Variants in ATP8B1 observed in about 807,000 individuals in gnomAD.
The protein encoded by ATP8B1 is phospholipid-transporting ATPase IC.
A neutral mutation model predicts 149.9 loss-of-function variants in ATP8B1; 80 were observed. The observed-to-expected ratio is 0.53, with a 90% confidence interval of 0.45 to 0.64. The LOEUF is 0.64. Ranked by LOEUF, ATP8B1 falls within the 30% of genes least tolerant of loss-of-function variation. ATP8B1 has a pLI of 0.00. For missense variants in ATP8B1, 1,247 were observed against 1,552.6 expected (o/e 0.80, Z 3.31); for synonymous variants, 536 against 562.8 (o/e 0.95, Z 0.67).
intron 1 of ATP8B1, among the ~76,000 whole-genome samples, chr18:57,780,900 C>G (rs1382210881): frequency 6.6e-6 from 1 of 152,172 alleles, no homozygotes; most frequent in Non-Finnish European, 1.5e-5. Flanking sequence ...GCCTCGATAG[C>G]CACTTCTCTG....
intron 22 of ATP8B1, among the ~76,000 whole-genome samples, chr18:57,660,928 T>C (rs1192829139): frequency 1.3e-5 from 2 of 152,158 alleles, no homozygotes; most frequent in African/African-American, 4.8e-5. Context: ...TTTCCCCCCA[T>C]AGACCTTATT....
In ATP8B1 at chr18:57,681,761, A is replaced by G. The variant is rs550414279; in HGVS notation, c.1630+2275T>C. Among the ~76,000 whole-genome samples the G allele has an allele frequency of 2.6e-4, 39 of 152,142 alleles. No homozygotes were observed. In the East Asian group the frequency reaches 7.0e-3, roughly 27 times the overall value. ...GGTTGCAGTGAGCCGAGATCATGCCATTGCACTCCAGCCTGGGTGACAAGA... is the reference window on the plus strand; with the variant it reads ...GGTTGCAGTGAGCCGAGATCATGCCGTTGCACTCCAGCCTGGGTGACAAGA... On this transcript the variant is annotated intron_variant, in intron 15 of 27. Transcript: ENST00000648908.
chr18:57,719,265 G>A (rs922645941), intron 2 of ATP8B1, among the ~76,000 whole-genome samples: 2 of 152,214 alleles, frequency 1.3e-5, no homozygotes, highest in Non-Finnish European at 2.9e-5. Context: ...AGCCAAGATG[G>A]CCGAATAGGA....
intron 6 of ATP8B1, among the ~76,000 whole-genome samples, 186 bp downstream of exon 6, chr18:57,700,853 G>C (rs1913081313): frequency 6.6e-6 from 1 of 152,186 alleles, no homozygotes; most frequent in Non-Finnish European, 1.5e-5. Context: ...GGAGGTGGAA[G>C]TTGCAGTGAG....
In ATP8B1 at chr18:57,669,457, G is replaced by T; in HGVS notation, c.1958C>A (p.Thr653Asn). The T allele has an allele frequency of 6.2e-7, 1 of 1,612,664 alleles. No individual in the cohort carries two copies. Among genetic ancestry groups the T allele is most frequent in the South Asian group, 1.1e-5 (1 of 90,988 alleles). Reference protein sequence around the residue: ...LDIFANETLRTLCLCYKEIEE... With the variant: ...LDIFANETLRNLCLCYKEIEE... ...AATTTCCTTGTAGCAAAGGCATAGG[G>T]TTCTAAGAGTTTCATTTGCAAAGAT... Residue 653 changes from threonine to asparagine, a missense_variant, in exon 18 of 28, where the codon ACC becomes AAC. This residue lies in a region of ATP8B1 where 853 missense variants were observed against 1,035.7 expected (regional missense o/e 0.82). Coordinates refer to ENST00000648908, the MANE Select transcript of ATP8B1 (RefSeq NM_001374385.1).
At chr18:57,708,357 A>G (rs547971249) in intron 2 of ATP8B1, 36 of 152,172 alleles carry the variant, frequency 2.4e-4, no homozygotes, top group African/African-American at 7.5e-4. Context: ...CTCAAGTGCA[A>G]TCTTATCAAA....
chr18:57,729,196 C>T (rs2079736401), intron 2 of ATP8B1, among the ~76,000 whole-genome samples: 1 of 152,118 alleles, frequency 6.6e-6, no homozygotes, highest in South Asian at 2.1e-4. Flanking sequence ...TCTGCAGGCA[C>T]CCAATCCCGG....
At chr18:57,688,701 G>C in intron 12 of ATP8B1, 194 bp from the exon 13 acceptor site, 1 of 616,176 alleles carries the variant, frequency 1.6e-6, no homozygotes, top group Non-Finnish European at 2.9e-6. Context: ...GCCTTTAGAA[G>C]GTCATTAGGT....
chr18:57,766,610 T>C (rs1265077389), intron 1 of ATP8B1, among the ~76,000 whole-genome samples: 1 of 152,096 alleles, frequency 6.6e-6, no homozygotes, highest in Non-Finnish European at 1.5e-5. Flanking sequence ...TGAGCACAAA[T>C]TGCTAGCACC....
intron 1 of ATP8B1, among the ~76,000 whole-genome samples, chr18:57,765,836 G>T (rs1004660270): frequency 6.1e-4 from 92 of 151,766 alleles, no homozygotes; most frequent in African/African-American, 2.1e-3. Flanking sequence ...GCCGGGCATG[G>T]TGGCAGGTGC....
chr18:57,773,604 G>A (rs1301127969), intron 1 of ATP8B1, among the ~76,000 whole-genome samples: 1 of 152,112 alleles, frequency 6.6e-6, no homozygotes, highest in Non-Finnish European at 1.5e-5. Context: ...TTTAGCCAAA[G>A]GAAGCTAAAT....
At chr18:57,761,353 C>T (rs7234614) in intron 1 of ATP8B1, among the ~76,000 whole-genome samples, 54,615 of 151,910 alleles carry the variant, frequency 0.36, 10,212 homozygotes, top group African/African-American at 0.46. Context: ...TGGGAGAGAA[C>T]TATTCTCTAC....
At chr18:57,758,044 G>A (rs28469131) in intron 1 of ATP8B1, among the ~76,000 whole-genome samples, 11,970 of 152,012 alleles carry the variant, frequency 0.079, 523 homozygotes, top group Middle Eastern at 0.14. Context: ...GGGTCTCACC[G>A]TGTAGCTCAG....
intron 1 of ATP8B1, among the ~76,000 whole-genome samples, chr18:57,764,245 G>T (rs141044818): frequency 2.0e-5 from 3 of 151,798 alleles, no homozygotes; most frequent in African/African-American, 4.8e-5. Context: ...CAGGGAGCCT[G>T]CCTTCCTTCC....
At chr18:57,709,752 T>C (rs1913597758) in intron 2 of ATP8B1, among the ~76,000 whole-genome samples, 1 of 151,958 alleles carries the variant, frequency 6.6e-6, no homozygotes, top group Admixed American at 6.6e-5. Context: ...CGATCTCAGC[T>C]CACTGCAGCC....
chr18:57,727,425 G>C (rs72946020), intron 2 of ATP8B1, among the ~76,000 whole-genome samples: 7,523 of 152,180 alleles, frequency 0.049, 210 homozygotes, highest in Middle Eastern at 0.11. Flanking sequence ...TCTGTGTTTT[G>C]GTTCCAACTA....
rs542537138 is a variant in ATP8B1, at chr18:57,678,062, T to A, written c.1631-3040A>T. Among the ~76,000 whole-genome samples the A allele has an allele frequency of 2.6e-5, 4 of 152,286 alleles. No individual in the cohort carries two copies. The East Asian group carries it at 7.7e-4, about 29-fold the overall frequency. On this transcript the variant is annotated intron_variant, in intron 15 of 27. Coordinates refer to ENST00000648908, the MANE Select transcript of ATP8B1 (RefSeq NM_001374385.1). ...GTCCAAATTCCAACCTTATGACTGC[T>A]GGAAGACACTTGGACTAAAAAACTA...
intron 1 of ATP8B1, among the ~76,000 whole-genome samples, chr18:57,748,047 T>A (rs981130021): frequency 2.0e-5 from 3 of 152,184 alleles, no homozygotes; most frequent in African/African-American, 4.8e-5. Context: ...AGGTCAAATA[T>A]AAGGAGTGTG....
intron 10 of ATP8B1, 68 bp from the exon 11 acceptor site, chr18:57,694,738 TACTC>T: frequency 2.7e-6 from 3 of 1,108,292 alleles, no homozygotes; most frequent in Non-Finnish European, 4.1e-6. Context: ...CCAATAAAAT[TACTC>T]TTCTTGGCCA....
Sources: allele counts gnomAD v4.1 joint callset (sites outside exome capture counted in the v4.1 genomes callset), GRCh38; gene constraint gnomAD v4.1.1; regional missense constraint gnomAD v4.1.1; transcripts MANE v1.5; gene names NCBI Gene and HGNC (gene_info 2026-07-23, HGNC 2026-07-21).